The following THBS2 variants were observed in gnomAD, a reference collection of about 807,000 sequenced individuals.
THBS2 encodes thrombospondin-2.
A neutral mutation model predicts 135.2 loss-of-function variants in THBS2; 47 were observed. The observed-to-expected ratio is 0.35, with a 90% CI of 0.28 to 0.44. THBS2 has a LOEUF of 0.44. Ranked by LOEUF, THBS2 falls within the 20% of genes least tolerant of loss-of-function variation. THBS2 has a pLI of 1.00. For missense variants in THBS2, 1,288 were observed against 1,603.1 expected, an observed-to-expected ratio of 0.80 and a Z score of 3.36; for synonymous variants, 639 against 633.8, an observed-to-expected ratio of 1.01 and a Z score of -0.12.
rs201754542 is a variant in THBS2 at position 169,246,266 on chromosome 6, C to T, written c.625G>A (p.Val209Ile). The T allele has an allele frequency of 6.2e-5, 100 of 1,613,794 alleles. No individual in the cohort carries two copies. The highest frequency in any genetic ancestry group is 1.9e-4 in the South Asian group (17 of 91,062). Residue 209 changes from valine to isoleucine, a missense_variant, in exon 4 of 22, where the codon GTC becomes ATC. Coordinates refer to ENST00000617924, the MANE Select transcript of THBS2 (RefSeq NM_003247.5). ...ACAGAGTTTTCAAACACTAGGTGGA[C>T]GTTCTGAAGCAAACCCTGTAAGTAT... ...ESHFRGLLQN[V>I]HLVFENSVED...
rs1395999999 is a variant in THBS2, at chr6:169,216,438, CAAA to C, written c.*1381_*1383del. On this transcript the variant is annotated 3_prime_UTR_variant, in exon 22 of 22. Transcript: ENST00000617924. ...AAAACAAACCAACCAACAAAAAAAA[CAAA>C]AACAAAAACAAACTTGTGCATATTA... 1 of 151,786 alleles carries C rather than the reference CAAA, an allele frequency of 6.6e-6. No homozygotes were observed. Among genetic ancestry groups the C allele is most frequent in the Non-Finnish European group, 1.5e-5 (1 of 67,954 alleles). The allele number at this position is 151,786 out of a possible 1,614,324, so 9.4% of individuals were successfully genotyped here.
At chr6:169,240,225 G>T (rs1654192122) in intron 6 of THBS2, among the ~76,000 whole-genome samples, 1 of 152,184 alleles carries the variant, frequency 6.6e-6, no homozygotes, top group South Asian at 2.1e-4. Flanking sequence ...ACGCTGGCCA[G>T]GTTGCTCCCC....
In THBS2 at chr6:169,248,552, G is replaced by A. The variant is rs146123027; in HGVS notation, c.474C>T (p.Gly158=). 2.7e-5 allele frequency: 44 copies of A among 1,613,844 alleles called. No individual in the cohort carries two copies. The highest frequency in any genetic ancestry group is 3.2e-5 in the Non-Finnish European group (38 of 1,180,040). ...AGCCCACGTGCAAGCTGTAGGTCTC[G>A]CCAGCCACCTGCACGGTGACGTTCT... ...QWKNVTVQVA[G]ETYSLHVGCD... is the part of the protein sequence containing the mutation. Residue 158 remains glycine (G), a synonymous_variant, in exon 3 of 22, where the codon GGC becomes GGT. Coordinates refer to ENST00000617924, the MANE Select transcript of THBS2 (RefSeq NM_003247.5).
rs143809193 is a variant in THBS2, at chr6:169,248,586, G to C, written c.440C>G (p.Ser147Trp). ...VSLEDVGLAD[S>W]QWKNVTVQVA... ...CTGCACGGTGACGTTCTTCCACTGC[G>C]AGTCAGCCAGGCCGACGTCCTCCAG... is the stretch of plus-strand genomic sequence containing the variant. Residue 147 changes from serine (S) to tryptophan (W), a missense_variant, in exon 3 of 22, where the codon TCG (serine) becomes TGG (tryptophan). Around this residue, in one of 2 missense-constraint regions of THBS2, gnomAD observed 414 missense variants for 447.0 expected, o/e 0.93. Transcript: ENST00000617924. 1.9e-6 allele frequency: 3 copies of C among 1,613,884 alleles called. No individual in the cohort carries two copies. In the African/African-American group the frequency reaches 4.0e-5, roughly 22 times the overall value.
chr6:169,236,660 TCCCATCCACACTTACTC>T (rs1452561782), intron 9 of THBS2, among the ~76,000 whole-genome samples: 3 of 102,666 alleles, frequency 2.9e-5, no homozygotes, highest in Non-Finnish European at 5.8e-5. Context: ...CCACACTCAC[TCCCATCCACACTTACTC>T]CCCATCCACA....
chr6:169,251,594 TC>T (rs1263356893), intron 1 of THBS2, among the ~76,000 whole-genome samples: 2 of 152,156 alleles, frequency 1.3e-5, no homozygotes, highest in African/African-American at 4.8e-5. Context: ...CCAGGTCCCT[TC>T]CAGCAATTGG....
At chr6:169,237,067 T>G in intron 9 of THBS2, 103 bp downstream of exon 9, 4 of 1,355,828 alleles carry the variant, frequency 3.0e-6, no homozygotes, top group Non-Finnish European at 4.0e-6. Context: ...TGGGCTGGGC[T>G]GGAACAGGCC....
chr6:169,226,006 C>G (rs1779611777), intron 16 of THBS2, among the ~76,000 whole-genome samples, 174 bp downstream of exon 16: 1 of 152,258 alleles, frequency 6.6e-6, no homozygotes, highest in African/African-American at 2.4e-5. Context: ...GGAAAACTCC[C>G]AAGGCCCCAT....
rs1414953768 is a variant in THBS2, at chr6:169,241,122, C to A, written c.892-530G>T. Among the ~76,000 whole-genome samples, 1 of 151,118 alleles carries A rather than the reference C, an allele frequency of 6.6e-6. No individual in the cohort carries two copies. The highest frequency in any genetic ancestry group is 1.5e-5 in the Non-Finnish European group (1 of 67,748). On this transcript the variant is annotated intron_variant, in intron 5 of 21. Transcript: ENST00000617924. The surrounding 1 kb of genome is among the most constrained non-coding windows in gnomAD (Gnocchi z 5.5). Reference sequence around the variant, plus strand: ...CTCCATCTCCTGGCATCATTTACTTCATGCCCTCTGGGTACGAGTGACAGT... The same window carrying A: ...CTCCATCTCCTGGCATCATTTACTTAATGCCCTCTGGGTACGAGTGACAGT...
chr6:169,251,772 T>C (rs1780759451), intron 1 of THBS2, among the ~76,000 whole-genome samples: 1 of 151,926 alleles, frequency 6.6e-6, no homozygotes, highest in Non-Finnish European at 1.5e-5. Flanking sequence ...GAAACATTCC[T>C]CAGAAGAAGA....
intron 9 of THBS2, 45 bp downstream of exon 9, chr6:169,237,125 G>A (rs1780124984): frequency 6.4e-7 from 1 of 1,562,670 alleles, no homozygotes; most frequent in Admixed American, 1.7e-5. Context: ...ACTGTGAGCT[G>A]CCTGCAAGCC....
rs1780795939 is a variant in THBS2, at chr6:169,252,699, A to G, written c.-23+1025T>C. On this transcript the variant is annotated intron_variant, in intron 1 of 21. Transcript: ENST00000617924. This position sits in a 1 kb window ranked among gnomAD's most constrained non-coding sequence, Gnocchi z 4.3. Reference sequence around the variant, plus strand: ...CTCAGCCCATCCAGGGACACCGGGCATGCATGGATGGAGCCACGGATGAGC... The same window carrying G: ...CTCAGCCCATCCAGGGACACCGGGCGTGCATGGATGGAGCCACGGATGAGC... Among the ~76,000 whole-genome samples, 2 of 152,162 alleles carry G rather than the reference A, an allele frequency of 1.3e-5. No homozygotes were observed. The highest frequency in any genetic ancestry group is 2.1e-4 in the South Asian group (1 of 4,824).
At chr6:169,247,351 A>C (rs1214561834) in intron 3 of THBS2, among the ~76,000 whole-genome samples, 2 of 152,192 alleles carry the variant, frequency 1.3e-5, no homozygotes, top group African/African-American at 4.8e-5. Context: ...TTGTGTGTGC[A>C]CGTGTGCCTG....
chr6:169,218,226 GGT>G, intron 21 of THBS2, among the ~76,000 whole-genome samples: 1 of 48,562 alleles, frequency 2.1e-5, no homozygotes, highest in Non-Finnish European at 4.7e-5. Context: ...ATGATGAGAT[GGT>G]TGGGTGGCTG....
At chr6:169,221,373 G>A (rs1779423418) in intron 20 of THBS2, 57 bp downstream of exon 20, 4 of 1,487,536 alleles carry the variant, frequency 2.7e-6, no homozygotes, top group Non-Finnish European at 1.9e-6. Context: ...ATGTTCAAAT[G>A]TGCCGTCCGA....
rs367822449 is a variant in THBS2 at position 169,222,077 on chromosome 6, G to A, written c.3273+120C>T. The A allele has an allele frequency of 6.9e-6, 8 of 1,167,866 alleles. No homozygotes were observed. The East Asian group carries it at 1.4e-4, about 21-fold the overall frequency. The allele number at this position is 1,167,866 out of a possible 1,614,324, so 72.3% of individuals were successfully genotyped here. On this transcript the variant is annotated intron_variant, in intron 19 of 21. Coordinates refer to ENST00000617924, the MANE Select transcript of THBS2 (RefSeq NM_003247.5). The stretch of plus-strand genomic sequence containing the variant: ...AAAGTAAGATTATTAAAATAACTGT[G>A]CCTGGAGTTAAAATTAATAAAGACA...
At chr6:169,227,299 G>A (rs1013689370) in intron 15 of THBS2, among the ~76,000 whole-genome samples, 2 of 152,152 alleles carry the variant, frequency 1.3e-5, no homozygotes, top group African/African-American at 4.8e-5. Context: ...GCACTCGCCT[G>A]GTCTCCAGGC....
chr6:169,220,735 C>G (rs1268559913), intron 20 of THBS2, among the ~76,000 whole-genome samples: 1 of 152,140 alleles, frequency 6.6e-6, no homozygotes, highest in Non-Finnish European at 1.5e-5. Flanking sequence ...GTGGAAGCTG[C>G]GTGGGAGCAG....
In THBS2 at chr6:169,241,768, C is replaced by A; in HGVS notation, c.885G>T (p.Lys295Asn). Reference sequence around the variant, plus strand: ...CCCCTGCGTGAGTACCCACCACTCTCTTGAGGTTCTCGCTGAGCTGGTTCA... The same window carrying A: ...CCCCTGCGTGAGTACCCACCACTCTATTGAGGTTCTCGCTGAGCTGGTTCA... ...VLVNQLSENLKRVSNDNQFLW... is the reference protein window; with the variant it reads ...VLVNQLSENLNRVSNDNQFLW... Residue 295 changes from lysine to asparagine, a missense_variant, in exon 5 of 22, where the codon AAG becomes AAT. By Grantham distance (94) the Lys-to-Asn change is moderately conservative (BLOSUM62 0). This residue lies in a region of THBS2 where 414 missense variants were observed against 447.0 expected (regional missense o/e 0.93). Transcript: ENST00000617924. The surrounding 1 kb of genome is among the most constrained non-coding windows in gnomAD (Gnocchi z 5.5). The A allele has an allele frequency of 1.2e-6, 2 of 1,609,076 alleles. No individual in the cohort carries two copies. The highest frequency in any genetic ancestry group is 2.2e-5 in the South Asian group (2 of 90,780).
Sources: gnomAD v4.1 joint callset for allele counts (sites outside exome capture counted in the v4.1 genomes callset) on GRCh38, gnomAD v4.1.1 for gene constraint, gnomAD v4.1.1 regional missense constraint, Gnocchi (gnomAD v3.1) non-coding constraint, MANE v1.5 for transcripts, NCBI Gene and HGNC (gene_info 2026-07-23, HGNC 2026-07-21) for gene names.